The following DOCK3 variants were observed in gnomAD, a reference collection of about 807,000 sequenced individuals.
DOCK3 encodes dedicator of cytokinesis 3.
In DOCK3, 60 loss-of-function variants were observed where a neutral mutation model predicts 265.6. The ratio of observed to expected loss-of-function variants is 0.23; its 90% CI spans 0.18 to 0.28. The LOEUF (loss-of-function observed/expected upper bound fraction) is 0.28, where lower values mean the gene tolerates loss of function less well. Among genes scored for constraint, DOCK3 ranks in the 10% least tolerant of loss-of-function variants. The pLI is 1.00. For synonymous variants in DOCK3, 881 were observed against 938.0 expected, an observed-to-expected ratio of 0.94 and a Z score of 1.11; for missense variants, 1,981 against 2,594.3, an observed-to-expected ratio of 0.76 and a Z score of 5.14.
intron 9 of DOCK3, among the ~76,000 whole-genome samples, chr3:51,129,268 G>A (rs143939215): frequency 0.019 from 2,970 of 152,334 alleles, 45 homozygotes; most frequent in Non-Finnish European, 0.03. Flanking sequence ...CTAGAAAGGG[G>A]TTGTAGTGCT....
At chr3:50,908,240 T>A (rs966626150) in intron 4 of DOCK3, among the ~76,000 whole-genome samples, 3 of 149,490 alleles carry the variant, frequency 2.0e-5, no homozygotes, top group African/African-American at 4.9e-5. Flanking sequence ...TCTGCTCTGA[T>A]CCTGGTTATT....
chr3:51,350,434 G>T, intron 40 of DOCK3, 42 bp downstream of exon 40: 1 of 1,581,328 alleles, frequency 6.3e-7, no homozygotes, highest in Non-Finnish European at 8.6e-7. Flanking sequence ...TATATTTTAC[G>T]CATAATTCAC....
chr3:51,129,093 C>T (rs1291016692), intron 9 of DOCK3, among the ~76,000 whole-genome samples: 1 of 152,192 alleles, frequency 6.6e-6, no homozygotes, highest in Non-Finnish European at 1.5e-5. Context: ...ATGCTTCTTC[C>T]AAGTCCCTGA....
At chr3:50,986,082 G>A (rs894118066) in intron 5 of DOCK3, among the ~76,000 whole-genome samples, 29 of 152,060 alleles carry the variant, frequency 1.9e-4, no homozygotes, top group African/African-American at 6.0e-4. Flanking sequence ...ACTATTTCCA[G>A]TACAACGTTG....
At chr3:51,294,617 G>A (rs1232677207) in intron 27 of DOCK3, among the ~76,000 whole-genome samples, 1 of 151,368 alleles carries the variant, frequency 6.6e-6, no homozygotes, top group Non-Finnish European at 1.5e-5. Context: ...GGCGGAGCTT[G>A]CAGTGAGCCA....
intron 3 of DOCK3, among the ~76,000 whole-genome samples, chr3:50,876,540 A>G (rs951510142): frequency 8.5e-5 from 13 of 152,146 alleles, no homozygotes; most frequent in Admixed American, 6.6e-4. Flanking sequence ...ACAGTAAAAT[A>G]TTCAGCTGCA....
At chr3:50,949,258 A>C (rs1476310890) in intron 5 of DOCK3, among the ~76,000 whole-genome samples, 1 of 152,212 alleles carries the variant, frequency 6.6e-6, no homozygotes, top group African/African-American at 2.4e-5. Context: ...TTTATGTTTC[A>C]TATATCAGGA....
At chr3:51,295,294 T>A (rs1024508390) in intron 27 of DOCK3, among the ~76,000 whole-genome samples, 4 of 152,234 alleles carry the variant, frequency 2.6e-5, no homozygotes, top group Non-Finnish European at 5.9e-5. Flanking sequence ...TGCAGAGATA[T>A]CATGGTGAGA....
At chr3:50,947,061 A>G (rs991057180) in intron 5 of DOCK3, among the ~76,000 whole-genome samples, 6 of 152,236 alleles carry the variant, frequency 3.9e-5, no homozygotes, top group Non-Finnish European at 8.8e-5. Context: ...ACTGAGGAAT[A>G]GTGAACTGAC....
intron 5 of DOCK3, among the ~76,000 whole-genome samples, chr3:51,059,736 A>G (rs1242308185): frequency 2.6e-5 from 4 of 152,222 alleles, no homozygotes; most frequent in Non-Finnish European, 5.9e-5. Context: ...TACCAGATCT[A>G]CCAGCTACCT....
At chr3:51,254,934 C>T (rs1197350082) in intron 22 of DOCK3, among the ~76,000 whole-genome samples, 1 of 152,126 alleles carries the variant, frequency 6.6e-6, no homozygotes, top group Non-Finnish European at 1.5e-5. Flanking sequence ...TTATTTTGCT[C>T]GTTAATTGAT....
At chr3:51,344,271 C>T (rs186928363) in intron 38 of DOCK3, among the ~76,000 whole-genome samples, 1 of 152,310 alleles carries the variant, frequency 6.6e-6, no homozygotes, top group Admixed American at 6.5e-5. Flanking sequence ...AGAATGACCC[C>T]TAAGTCAGTA....
At chr3:51,053,119 A>ATATATATATG (rs1365143056) in intron 5 of DOCK3, among the ~76,000 whole-genome samples, 1 of 122,206 alleles carries the variant, frequency 8.2e-6, no homozygotes, top group African/African-American at 3.0e-5. Context: ...ATATATATAT[A>ATATATATATG]TATGGATTTT....
intron 29 of DOCK3, 71 bp from the exon 30 acceptor site, chr3:51,312,405 T>C: frequency 7.9e-7 from 1 of 1,268,004 alleles, no homozygotes; most frequent in South Asian, 1.2e-5. Context: ...GCTACATGCA[T>C]GTATTTAGTA....
intron 5 of DOCK3, among the ~76,000 whole-genome samples, chr3:50,954,100 T>C (rs1047897789): frequency 6.6e-6 from 1 of 152,060 alleles, no homozygotes; most frequent in Non-Finnish European, 1.5e-5. Flanking sequence ...CTATTAAACA[T>C]TAACCCCACG....
chr3:50,754,561 T>TC (rs1197906429), intron 1 of DOCK3, among the ~76,000 whole-genome samples: 1 of 150,434 alleles, frequency 6.6e-6, no homozygotes, highest in African/African-American at 2.4e-5. Flanking sequence ...TTAACAACTT[T>TC]TTTTTTTTTT....
At chr3:51,233,535 T>G (rs1403239887) in intron 19 of DOCK3, among the ~76,000 whole-genome samples, 3 of 151,940 alleles carry the variant, frequency 2.0e-5, no homozygotes, top group Admixed American at 6.6e-5. Context: ...CTGGCTAATT[T>G]TTTTTGTATT....
chr3:51,298,801 C>G (rs2082234904), intron 27 of DOCK3, among the ~76,000 whole-genome samples: 2 of 152,130 alleles, frequency 1.3e-5, no homozygotes, highest in Non-Finnish European at 2.9e-5. Flanking sequence ...TTTTCTTTAT[C>G]CAGTGTATTG....
intron 1 of DOCK3, among the ~76,000 whole-genome samples, chr3:50,700,401 T>C (rs540018192): frequency 2.0e-4 from 31 of 152,384 alleles, no homozygotes; most frequent in African/African-American, 6.5e-4. Flanking sequence ...GCTATATGTT[T>C]GTACCCATTG....
Sources: gnomAD v4.1 joint callset for allele counts (sites outside exome capture counted in the v4.1 genomes callset) on GRCh38, gnomAD v4.1.1 for gene constraint, MANE v1.5 for transcripts, NCBI Gene and HGNC (gene_info 2026-07-23, HGNC 2026-07-21) for gene names.